Variants in DBF4B observed in about 807,000 individuals in gnomAD.
The protein encoded by DBF4B is DBF4B-CDC7 kinase regulatory subunit.
Under a neutral mutation model 53.4 loss-of-function variants are expected in DBF4B, and 49 were observed. The observed-to-expected ratio is 0.92, with a 90% CI of 0.73 to 1.16. The LOEUF (loss-of-function observed/expected upper bound fraction) is 1.16, where lower values mean the gene tolerates loss of function less well. Ranked by LOEUF, DBF4B falls within the 50% of genes most tolerant of loss-of-function variation. DBF4B has a pLI of 0.00. For missense variants in DBF4B, 692 were observed against 775.0 expected (o/e 0.89, Z 1.27); for synonymous variants, 257 against 288.7 (o/e 0.89, Z 1.11).
chr17:44,741,052 G>A (rs970927851), intron 9 of DBF4B, among the ~76,000 whole-genome samples: 1 of 152,000 alleles, frequency 6.6e-6, no homozygotes, highest in Non-Finnish European at 1.5e-5. Flanking sequence ...GGAGAATGGT[G>A]TGAACCTGGG....
chr17:44,740,323 A>T (rs1477080099), intron 9 of DBF4B, among the ~76,000 whole-genome samples: 2 of 152,208 alleles, frequency 1.3e-5, no homozygotes, highest in African/African-American at 4.8e-5. Flanking sequence ...CCCCCAGAAC[A>T]TGGACCATTG....
chr17:44,746,624 A>G (rs1976622402), intron 10 of DBF4B, among the ~76,000 whole-genome samples: 1 of 151,904 alleles, frequency 6.6e-6, no homozygotes. Flanking sequence ...TTTGAGACCA[A>G]CCTGGCCAAC....
At chr17:44,725,277 A>T (rs1005602329) in intron 3 of DBF4B, among the ~76,000 whole-genome samples, 2 of 152,208 alleles carry the variant, frequency 1.3e-5, no homozygotes, top group Admixed American at 6.5e-5. Context: ...ATGACAGAGC[A>T]AGACCATGTC....
At chr17:44,732,048 C>T in intron 5 of DBF4B, 130 bp from the exon 6 acceptor site, 2 of 793,578 alleles carry the variant, frequency 2.5e-6, no homozygotes, top group Non-Finnish European at 4.1e-6. Context: ...TGTACTCTCT[C>T]TCCTACCTGC....
intron 10 of DBF4B, among the ~76,000 whole-genome samples, chr17:44,746,231 CAA>C (rs11322604): frequency 0.067 from 5,890 of 87,750 alleles, 134 homozygotes; most frequent in Non-Finnish European, 0.093. Context: ...TACTCCATCT[CAA>C]AAAAAAAAAA....
chr17:44,750,731 C>T lies in DBF4B; in HGVS notation c.1326C>T (p.Gly442=). Residue 442 remains glycine, a synonymous_variant, in exon 14 of 14, where the codon GGC becomes GGT. Coordinates refer to ENST00000315005, the MANE Select transcript of DBF4B (RefSeq NM_145663.3). ...PALPKGSREQ[G]CLCPCPASFT... The stretch of plus-strand genomic sequence containing the variant: ...TGCCCAAGGGCTCCAGGGAGCAGGG[C>T]TGCCTCTGTCCCTGCCCAGCCTCCT... 1.2e-6 allele frequency: 2 copies of T among 1,614,176 alleles called. No homozygotes were observed. The highest frequency in any genetic ancestry group is 1.7e-6 in the Non-Finnish European group (2 of 1,180,034).
intron 2 of DBF4B, among the ~76,000 whole-genome samples, chr17:44,719,452 G>A (rs990803612): frequency 3.9e-5 from 6 of 152,050 alleles, no homozygotes; most frequent in African/African-American, 1.4e-4. Context: ...AATTTCTCCT[G>A]ACTCCCCAGC....
At chr17:44,743,933 G>A (rs1013802125) in intron 10 of DBF4B, among the ~76,000 whole-genome samples, 1 of 151,620 alleles carries the variant, frequency 6.6e-6, no homozygotes, top group African/African-American at 2.4e-5. Flanking sequence ...GTAAGAAGAG[G>A]GAACGAAGGA....
chr17:44,741,043 G>C (rs528829953), intron 9 of DBF4B, among the ~76,000 whole-genome samples: 44 of 152,218 alleles, frequency 2.9e-4, no homozygotes, highest in African/African-American at 9.9e-4. Flanking sequence ...GCTGAGGCAG[G>C]AGAATGGTGT....
At chr17:44,710,976 A>ATTTTTTTTTTTTTTTTTT (rs10522434) in intron 2 of DBF4B, among the ~76,000 whole-genome samples, 1 of 98,304 alleles carries the variant, frequency 1.0e-5, no homozygotes, top group Non-Finnish European at 1.9e-5. Context: ...TTCCAGTTTG[A>ATTTTTTTTTTTTTTTTTT]TTTTTTTTTT....
intron 3 of DBF4B, among the ~76,000 whole-genome samples, chr17:44,729,051 A>G (rs1974592232): frequency 6.6e-6 from 1 of 152,102 alleles, no homozygotes; most frequent in Non-Finnish European, 1.5e-5. Flanking sequence ...AGCCGAGATC[A>G]TGCCACTGCA....
chr17:44,721,760 T>G (rs551984939), intron 2 of DBF4B, among the ~76,000 whole-genome samples: 9 of 151,476 alleles, frequency 5.9e-5, no homozygotes, highest in Middle Eastern at 3.4e-3. Flanking sequence ...GGTAACGTGC[T>G]GCTCGAAGGA....
chr17:44,733,632 G>T (rs987002063), intron 6 of DBF4B: 1 of 160,582 alleles, frequency 6.2e-6, no homozygotes, highest in Non-Finnish European at 1.4e-5. Context: ...GATGTGGAGG[G>T]CTTCATCTCA....
Position 44,749,991 on chromosome 17 carries a change from G to A in DBF4B, c.1190-604G>A. The A allele has an allele frequency of 2.0e-6, 2 of 1,004,422 alleles. No homozygotes were observed. Among genetic ancestry groups the A allele is most frequent in the South Asian group, 8.6e-5 (2 of 23,326 alleles). 62.2% of individuals were successfully genotyped at this position (1,004,422 alleles called of 1,614,324 possible). ...CTCCCTCCCCCAGGCACTTAGTTGG[G>A]GCCCAGCACTGACCTTTCCCCTGAG... On this transcript the variant is annotated intron_variant, in intron 13 of 13. Transcript: ENST00000315005. The surrounding 1 kb of genome is among the most constrained non-coding windows in gnomAD (Gnocchi z 4.4).
chr17:44,717,444 C>T lies in DBF4B; in HGVS notation c.83-5436C>T, dbSNP rs191875196. ...AATCCAGGCTGGGCGTGGTGGCTCA[C>T]GCCTGTAATCCCAGCACTTTGGGAG... On this transcript the variant is annotated intron_variant, in intron 2 of 13. Coordinates refer to ENST00000315005, the MANE Select transcript of DBF4B (RefSeq NM_145663.3). Among the ~76,000 whole-genome samples the T allele has an allele frequency of 5.7e-3, 867 of 151,996 alleles. 10 individuals carry two copies. Among genetic ancestry groups the T allele is most frequent in the African/African-American group, 0.02 (832 of 41,454 alleles).
At chr17:44,728,166 A>T in intron 3 of DBF4B, among the ~76,000 whole-genome samples, 1 of 151,924 alleles carries the variant, frequency 6.6e-6, no homozygotes, top group Non-Finnish European at 1.5e-5. Context: ...CACATCTGGC[A>T]CTCTGTGTCA....
chr17:44,738,274 C>G (rs1056225770), intron 8 of DBF4B, 105 bp from the exon 9 acceptor site: 2 of 1,311,426 alleles, frequency 1.5e-6, no homozygotes, highest in East Asian at 2.4e-5. Flanking sequence ...TTGCAAGGCT[C>G]TTAGGCTTTG....
At chr17:44,709,213 G>C (rs1972638703) in intron 1 of DBF4B, 91 bp from the exon 2 acceptor site, 8 of 1,531,422 alleles carry the variant, frequency 5.2e-6, no homozygotes, top group Non-Finnish European at 6.3e-6. Flanking sequence ...TCGCGTTTCT[G>C]TGCGCGTTTT....
intron 2 of DBF4B, among the ~76,000 whole-genome samples, chr17:44,718,540 T>G (rs1379198845): frequency 1.3e-5 from 2 of 152,044 alleles, no homozygotes; most frequent in Non-Finnish European, 2.9e-5. Context: ...TGAAGTCACC[T>G]CTAAATTTGG....
Sources: allele counts gnomAD v4.1 joint callset (sites outside exome capture counted in the v4.1 genomes callset), GRCh38; gene constraint gnomAD v4.1.1; non-coding constraint Gnocchi (gnomAD v3.1); transcripts MANE v1.5; gene names NCBI Gene and HGNC (gene_info 2026-07-23, HGNC 2026-07-21).